Variants in MYOF observed in about 807,000 individuals in gnomAD.
MYOF encodes the protein myoferlin.
In MYOF, 244 loss-of-function variants were observed where a neutral mutation model predicts 284.2. The ratio of observed to expected loss-of-function variants is 0.86; its 90% CI spans 0.77 to 0.95. The LOEUF is 0.95. MYOF is among the 40% of genes least tolerant of loss of function. The pLI, the probability that MYOF is intolerant of heterozygous loss-of-function variation, is 0.00. For synonymous variants in MYOF, 904 were observed against 919.7 expected (o/e 0.98, Z 0.31); for missense variants, 2,496 against 2,560.6 (o/e 0.97, Z 0.54).
chr10:93,342,073 G>T, intron 38 of MYOF: 2 of 706,482 alleles, frequency 2.8e-6, no homozygotes, highest in Non-Finnish European at 4.2e-6. Flanking sequence ...CACTTTTCTT[G>T]TGATAGTGCT....
intron 19 of MYOF, among the ~76,000 whole-genome samples, chr10:93,384,195 G>A (rs1043882065): frequency 5.3e-5 from 8 of 152,206 alleles, no homozygotes; most frequent in African/African-American, 1.9e-4. Context: ...GATGATTCAG[G>A]CAGCTGAGAA....
rs1207247218 is a variant in MYOF, at chr10:93,427,215, A to AC, written c.346-1058_346-1057insG. 3.4e-3 allele frequency among the ~76,000 whole-genome samples: 452 copies of AC among 132,592 alleles called. 3 individuals are homozygous for AC. Among genetic ancestry groups the AC allele is most frequent in the African/African-American group, 0.012 (426 of 36,054 alleles). 87.0% of individuals were successfully genotyped at this position (132,592 alleles called of 152,430 possible). On this transcript the variant is annotated intron_variant, in intron 4 of 53. Transcript: ENST00000359263. The stretch of plus-strand genomic sequence containing the variant: ...TCTGTCTTAAAACAAAACAAAACAA[A>AC]ACAAAAAAAAACAGAGAGAACTTTA...
At chr10:93,401,127 T>C (rs1284554956) in intron 12 of MYOF, among the ~76,000 whole-genome samples, 1 of 152,168 alleles carries the variant, frequency 6.6e-6, no homozygotes, top group African/African-American at 2.4e-5. Flanking sequence ...ACTGCTCATA[T>C]CTCTTTAGCA....
At position 93,329,665 on chromosome 10, in the gene MYOF, C is replaced by T; in HGVS notation, c.4981G>A (p.Val1661Ile). Residue 1661 changes from valine (V) to isoleucine (I), a missense_variant and splice_region_variant, in exon 44 of 54, where the codon GTT becomes ATT. Physicochemically the swap from Val to Ile is conservative, Grantham distance 29 (BLOSUM62 3). Coordinates refer to ENST00000359263, the MANE Select transcript of MYOF (RefSeq NM_013451.4). ...TCTTGTACAGTCAAAGCAACTTACA[C>T]ACAGTACTCCTCTGGTATGCCGCAG... ...SHCGIPEEYC[V>I]SGVNTWRDQL... 6.2e-7 allele frequency: 1 copy of T among 1,613,814 alleles called. No individual in the cohort carries two copies. The highest frequency in any genetic ancestry group is 8.5e-7 in the Non-Finnish European group (1 of 1,180,034).
At position 93,396,193 on chromosome 10, in the gene MYOF, T is replaced by A; in HGVS notation, c.1366A>T (p.Thr456Ser). 15 of 1,605,036 alleles carry A rather than the reference T, an allele frequency of 9.3e-6. No homozygotes were observed. The highest frequency in any genetic ancestry group is 1.3e-5 in the Non-Finnish European group (15 of 1,175,458). The change falls in exon 16 of 54, where the codon ACA (threonine) becomes TCA (serine). Residue 456 changes from threonine (T) to serine (S), a missense_variant. By Grantham distance (58) the Thr-to-Ser change is moderately conservative. Around this residue, in one of 3 missense-constraint regions of MYOF, gnomAD observed 2,436 missense variants for 2,480.7 expected, o/e 0.98. Coordinates refer to ENST00000359263, the MANE Select transcript of MYOF (RefSeq NM_013451.4). ...ATTTTAGAGAGGTGTAGATATGTTG[T>A]TCCAACTACATCATTTTTAGTAAGA... ...DRLTKNDVVG[T>S]TYLHLSKIAA...
In MYOF at chr10:93,393,155, A is replaced by G. The variant is rs2298153; in HGVS notation, c.1418-200T>C. On this transcript the variant is annotated intron_variant, in intron 16 of 53. Coordinates refer to ENST00000359263, the MANE Select transcript of MYOF (RefSeq NM_013451.4). ...TTAAATGCAAAATGACCCGGGCAGA[A>G]CCACCACACATGAATAACTCAATCT... 2.7e-3 allele frequency among the ~76,000 whole-genome samples: 414 copies of G among 152,334 alleles called. 18 individuals carry two copies. In the East Asian group the frequency reaches 0.07, roughly 26 times the overall value.
In MYOF at chr10:93,409,687, C is replaced by T. The variant is rs570880665; in HGVS notation, c.486G>A (p.Arg162=). 6.3e-5 allele frequency: 101 copies of T among 1,614,090 alleles called. No homozygotes were observed. The highest frequency in any genetic ancestry group is 8.1e-5 in the Non-Finnish European group (96 of 1,180,048). Residue 162 remains arginine, a synonymous_variant, in exon 6 of 54, where the codon AGG becomes AGA. Transcript: ENST00000359263. ...GDEDRLDNAV[R]GPGPKGPVGT... Reference sequence around the variant, plus strand: ...CAACTGGCCCCTTGGGCCCAGGGCCCCTGACTGCATTGTCCAACCTGTCTT... The same window carrying T: ...CAACTGGCCCCTTGGGCCCAGGGCCTCTGACTGCATTGTCCAACCTGTCTT...
At chr10:93,463,561 G>A (rs1010497732) in intron 1 of MYOF, among the ~76,000 whole-genome samples, 7 of 151,396 alleles carry the variant, frequency 4.6e-5, no homozygotes, top group African/African-American at 1.7e-4. Flanking sequence ...CACCATGCCC[G>A]GCTAATTTTT....
At chr10:93,450,766 T>C (rs1446055666) in intron 3 of MYOF, among the ~76,000 whole-genome samples, 1 of 152,222 alleles carries the variant, frequency 6.6e-6, no homozygotes, top group Non-Finnish European at 1.5e-5. Flanking sequence ...CAGATGTGCC[T>C]AAGACATACA....
chr10:93,458,536 C>G (rs1385788530), intron 1 of MYOF, among the ~76,000 whole-genome samples: 5 of 152,034 alleles, frequency 3.3e-5, no homozygotes, highest in African/African-American at 9.7e-5. Flanking sequence ...AGGAGACCAG[C>G]CTGGCCAACA....
intron 39 of MYOF, among the ~76,000 whole-genome samples, chr10:93,339,919 A>C (rs1295139958): frequency 6.6e-6 from 1 of 152,136 alleles, no homozygotes; most frequent in Admixed American, 6.5e-5. Flanking sequence ...CTCTACTAAA[A>C]ATACAAAAAA....
Position 93,392,951 on chromosome 10 carries a change from G to A in MYOF, c.1422C>T (p.Phe474=). 1.2e-6 allele frequency: 2 copies of A among 1,611,546 alleles called. No homozygotes were observed. The highest frequency in any genetic ancestry group is 1.7e-6 in the Non-Finnish European group (2 of 1,177,834). ...IAASGGEVED[F]SSSGTGAASY... ...ATGCAGCCCCAGTTCCCGAAGATGAGAAATCTATATAGTAAAAATATGACT... is the reference window on the plus strand; with the variant it reads ...ATGCAGCCCCAGTTCCCGAAGATGAAAAATCTATATAGTAAAAATATGACT... The change falls in exon 17 of 54, where the codon TTC becomes TTT. Residue 474 remains phenylalanine, a synonymous_variant. Coordinates refer to ENST00000359263, the MANE Select transcript of MYOF (RefSeq NM_013451.4).
chr10:93,320,600 CATCTT>C (rs1359716238), intron 48 of MYOF, among the ~76,000 whole-genome samples: 3 of 152,072 alleles, frequency 2.0e-5, no homozygotes, highest in African/African-American at 7.2e-5. Flanking sequence ...ATTTCAGTAA[CATCTT>C]AACTTTTAAC....
In MYOF at chr10:93,353,040, A is replaced by T. The variant is rs558652057; in HGVS notation, c.3481+771T>A. Among the ~76,000 whole-genome samples, 631 of 152,352 alleles carry T rather than the reference A, an allele frequency of 4.1e-3. 3 individuals are homozygous for T. Among genetic ancestry groups the T allele is most frequent in the Middle Eastern group, 0.014 (4 of 294 alleles). On this transcript the variant is annotated intron_variant, in intron 32 of 53. Transcript: ENST00000359263. ...ACAAACTTTCCGTTTGGAATAAAAAAGTGCAGCTCGCTGCCAGCACTCATT... is the reference window on the plus strand; with the variant it reads ...ACAAACTTTCCGTTTGGAATAAAAATGTGCAGCTCGCTGCCAGCACTCATT...
intron 29 of MYOF, 110 bp from the exon 30 acceptor site, chr10:93,356,958 C>T (rs934073144): frequency 4.4e-6 from 5 of 1,146,498 alleles, no homozygotes; most frequent in Non-Finnish European, 6.1e-6. Context: ...TCAAAATCTA[C>T]TCTGTGCCAA....
chr10:93,351,596 A>C (rs746173474), intron 33 of MYOF, 25 bp from the exon 34 acceptor site: 1 of 1,611,874 alleles, frequency 6.2e-7, no homozygotes, highest in East Asian at 2.2e-5. Context: ...TGATCCTTAA[A>C]TTCCCCGACA....
At chr10:93,421,485 T>A (rs142537415) in intron 5 of MYOF, among the ~76,000 whole-genome samples, 132 of 152,348 alleles carry the variant, frequency 8.7e-4, no homozygotes, top group African/African-American at 3.0e-3. Flanking sequence ...TTTGGATATC[T>A]GTCCCCTCGA....
chr10:93,332,551 A>C (rs2133810998), intron 43 of MYOF, among the ~76,000 whole-genome samples: 1 of 151,700 alleles, frequency 6.6e-6, no homozygotes, highest in East Asian at 2.0e-4. Context: ...AAGTACATTA[A>C]ACACTGAGTC....
intron 1 of MYOF, among the ~76,000 whole-genome samples, chr10:93,469,458 T>C (rs906284918): frequency 6.6e-6 from 1 of 151,480 alleles, no homozygotes; most frequent in African/African-American, 2.4e-5. Context: ...GTCAGTACCC[T>C]GCAAGGCAAT....
Sources: gnomAD v4.1 joint callset for allele counts (sites outside exome capture counted in the v4.1 genomes callset) on GRCh38, gnomAD v4.1.1 for gene constraint, gnomAD v4.1.1 regional missense constraint, MANE v1.5 for transcripts, NCBI Gene and HGNC (gene_info 2026-07-23, HGNC 2026-07-21) for gene names.